Variants in DLC1 observed in about 807,000 individuals in gnomAD.
DLC1 encodes the protein rho GTPase-activating protein 7.
DLC1 carries 54 observed loss-of-function variants against 140.3 expected under a neutral mutation model. The observed-to-expected ratio is 0.38, with a 90% CI of 0.31 to 0.48. The LOEUF (loss-of-function observed/expected upper bound fraction) is 0.48, where lower values mean the gene tolerates loss of function less well. DLC1 is among the 20% of genes least tolerant of loss of function. The pLI, the probability that DLC1 is intolerant of heterozygous loss-of-function variation, is 0.96. For synonymous variants in DLC1, 986 were observed against 728.1 expected, an observed-to-expected ratio of 1.35 and a Z score of -5.70; for missense variants, 2,536 against 1,907.0, an observed-to-expected ratio of 1.33 and a Z score of -6.14.
At chr8:13,565,579 A>G (rs1211474510) in intron 1 of DLC1, among the ~76,000 whole-genome samples, 1 of 152,214 alleles carries the variant, frequency 6.6e-6, no homozygotes, top group African/African-American at 2.4e-5. Flanking sequence ...AAGCTGGCTC[A>G]TATACTTGAG....
At chr8:13,126,071 A>G (rs1041689035) in intron 5 of DLC1, among the ~76,000 whole-genome samples, 1 of 152,098 alleles carries the variant, frequency 6.6e-6, no homozygotes, top group Non-Finnish European at 1.5e-5. Context: ...AGCTCACATC[A>G]AAATATGTGC....
Position 13,115,576 on chromosome 8 carries a change from C to T in DLC1, c.1420+10G>A, listed in dbSNP as rs199774166. On this transcript the variant is annotated intron_variant, in intron 6 of 17. Coordinates refer to ENST00000276297, the MANE Select transcript of DLC1 (RefSeq NM_182643.3). Reference sequence around the variant, plus strand: ...ATGCCAACTTTTAAAAAGTGGCATTCCCAGCTTACCTTCATAAAGCTGTGC... The same window carrying T: ...ATGCCAACTTTTAAAAAGTGGCATTTCCAGCTTACCTTCATAAAGCTGTGC... The T allele has an allele frequency of 1.2e-6, 2 of 1,610,852 alleles. No homozygotes were observed. Among genetic ancestry groups the T allele is most frequent in the Non-Finnish European group, 1.7e-6 (2 of 1,178,610 alleles).
chr8:13,369,824 C>G (rs1378256), intron 4 of DLC1, among the ~76,000 whole-genome samples: 95,159 of 150,524 alleles, frequency 0.63, 30,480 homozygotes, highest in East Asian at 0.84. Context: ...TCCACTTGAA[C>G]CCCAAGTCGG....
intron 1 of DLC1, among the ~76,000 whole-genome samples, chr8:13,502,025 A>G (rs940438124): frequency 2.0e-5 from 3 of 152,206 alleles, no homozygotes; most frequent in Admixed American, 2.0e-4. Flanking sequence ...CCTAAGCCAC[A>G]TTTATATTTT....
At position 13,128,821 on chromosome 8, in the gene DLC1, A is replaced by C. The variant is rs182673167; in HGVS notation, c.1349-13164T>G. ...CTGCACTCCAGCCTGGGCGACAGAG[A>C]GAGACTCCGTCTCAAAAAAAAAAAA... On this transcript the variant is annotated intron_variant, in intron 5 of 17. Transcript: ENST00000276297. Among the ~76,000 whole-genome samples, 1,423 of 149,802 alleles carry C rather than the reference A, an allele frequency of 9.5e-3. 13 individuals are homozygous for C. The highest frequency in any genetic ancestry group is 0.015 in the Non-Finnish European group (999 of 67,522).
chr8:13,401,473 A>C lies in DLC1; in HGVS notation c.1170T>G (p.Val390=). ...SGTPTNLRRH[V]PDLESGSESG... is the part of the protein sequence containing the mutation. The stretch of plus-strand genomic sequence containing the variant: ...AAGTAGAAAGTGGAAAGCTCACAGG[A>C]ACGTGCCGCCGCAGGTTTGTTGGTG... The change falls in exon 3 of 18, where the codon GTT becomes GTG. Residue 390 remains valine (V), a synonymous_variant. Transcript: ENST00000276297. The C allele has an allele frequency of 1.2e-6, 2 of 1,612,176 alleles. No homozygotes were observed. Among genetic ancestry groups the C allele is most frequent in the Non-Finnish European group, 1.7e-6 (2 of 1,179,936 alleles).
At chr8:13,089,269 G>GA (rs1817836921) in intron 15 of DLC1, among the ~76,000 whole-genome samples, 1 of 112,964 alleles carries the variant, frequency 8.9e-6, no homozygotes, top group Non-Finnish European at 1.8e-5. Context: ...AAAGAAAAAA[G>GA]AAAAAAATGA....
chr8:13,266,676 C>G (rs1486476250), intron 5 of DLC1, among the ~76,000 whole-genome samples: 2 of 152,022 alleles, frequency 1.3e-5, no homozygotes, highest in African/African-American at 4.8e-5. Flanking sequence ...ATCTGGAAGG[C>G]AGAAGTTGCT....
chr8:13,264,562 C>G (rs1563208487), intron 5 of DLC1, among the ~76,000 whole-genome samples: 1 of 151,980 alleles, frequency 6.6e-6, no homozygotes, highest in Non-Finnish European at 1.5e-5. Context: ...ACTCTAAGTT[C>G]AGGACTGGAG....
At chr8:13,104,098 T>A (rs1819345503) in intron 7 of DLC1, among the ~76,000 whole-genome samples, 1 of 152,124 alleles carries the variant, frequency 6.6e-6, no homozygotes, top group Non-Finnish European at 1.5e-5. Flanking sequence ...TAATATCCAA[T>A]ATTTAGAACA....
At chr8:13,451,483 C>G (rs1428237783) in intron 2 of DLC1, among the ~76,000 whole-genome samples, 3 of 152,052 alleles carry the variant, frequency 2.0e-5, no homozygotes, top group Non-Finnish European at 2.9e-5. Context: ...ATTTTTTATA[C>G]TCCTTAACCA....
At chr8:13,362,546 C>T (rs954809216) in intron 4 of DLC1, among the ~76,000 whole-genome samples, 29 of 151,790 alleles carry the variant, frequency 1.9e-4, no homozygotes, top group South Asian at 1.7e-3. Flanking sequence ...CACTCCTGAA[C>T]GTGGACATCT....
chr8:13,333,101 T>C (rs1833668680), intron 4 of DLC1, among the ~76,000 whole-genome samples: 1 of 152,242 alleles, frequency 6.6e-6, no homozygotes, highest in Non-Finnish European at 1.5e-5. Flanking sequence ...ACTACTTATA[T>C]AAATTGTTTA....
intron 5 of DLC1, among the ~76,000 whole-genome samples, chr8:13,123,783 G>C (rs1025284276): frequency 6.6e-6 from 1 of 152,102 alleles, no homozygotes; most frequent in Non-Finnish European, 1.5e-5. Context: ...TATATCCCAA[G>C]CACCTACAAC....
intron 2 of DLC1, among the ~76,000 whole-genome samples, chr8:13,478,598 C>T (rs797010434): frequency 6.6e-5 from 10 of 152,320 alleles, no homozygotes; most frequent in African/African-American, 2.4e-4. Context: ...TAAGCCCAGT[C>T]TTTCCTCCGA....
At chr8:13,382,712 T>C (rs1348929633) in intron 4 of DLC1, among the ~76,000 whole-genome samples, 1 of 151,936 alleles carries the variant, frequency 6.6e-6, no homozygotes, top group Non-Finnish European at 1.5e-5. Context: ...CAAAATAAAA[T>C]CCTTTGCTAA....
intron 5 of DLC1, among the ~76,000 whole-genome samples, chr8:13,122,187 G>T (rs1027045490): frequency 6.6e-6 from 1 of 152,068 alleles, no homozygotes; most frequent in African/African-American, 2.4e-5. Flanking sequence ...GAATTCTTTA[G>T]TGACTTTCCA....
In DLC1 at chr8:13,145,578, A is replaced by G. The variant is rs572347300; in HGVS notation, c.1349-29921T>C. Among the ~76,000 whole-genome samples, 3 of 152,336 alleles carry G rather than the reference A, an allele frequency of 2.0e-5. No individual in the cohort carries two copies. The South Asian group carries it at 6.2e-4, about 32-fold the overall frequency. On this transcript the variant is annotated intron_variant, in intron 5 of 17. Transcript: ENST00000276297. ...AGAGAAACTCCAAACAACTAAAAATATCTACAGCAGCATTATATTAGGAAA... is the reference window on the plus strand; with the variant it reads ...AGAGAAACTCCAAACAACTAAAAATGTCTACAGCAGCATTATATTAGGAAA...
chr8:13,485,755 T>G (rs903082325), intron 2 of DLC1, among the ~76,000 whole-genome samples: 1 of 152,176 alleles, frequency 6.6e-6, no homozygotes, highest in Non-Finnish European at 1.5e-5. Context: ...GCTTGAAGAT[T>G]TAGGATTCCA....
Sources: allele counts gnomAD v4.1 joint callset (sites outside exome capture counted in the v4.1 genomes callset), GRCh38; gene constraint gnomAD v4.1.1; transcripts MANE v1.5; gene names NCBI Gene and HGNC (gene_info 2026-07-23, HGNC 2026-07-21).